Variants in ZZZ3 observed in about 807,000 individuals in gnomAD.
The protein encoded by ZZZ3 is ZZ-type zinc finger-containing protein 3.
In ZZZ3, 22 loss-of-function variants were observed where a neutral mutation model predicts 95.2. That is an observed-to-expected ratio of 0.23 (90% CI 0.17 to 0.33). The LOEUF (loss-of-function observed/expected upper bound fraction) is 0.33, where lower values mean the gene tolerates loss of function less well. ZZZ3 is among the 10% of genes least tolerant of loss of function. The probability of loss-of-function intolerance (pLI) is 1.00; values close to 1 mark genes in which losing one functional copy is unlikely to be tolerated. For synonymous variants in ZZZ3, 335 were observed against 358.9 expected (o/e 0.93, Z 0.75); for missense variants, 885 against 1,066.5 (o/e 0.83, Z 2.37).
At chr1:77,602,209 G>T (rs767193662) in intron 5 of ZZZ3, among the ~76,000 whole-genome samples, 10 of 152,114 alleles carry the variant, frequency 6.6e-5, no homozygotes, top group Non-Finnish European at 4.4e-5. Flanking sequence ...AAAACTGTTG[G>T]CAAGAAAGCT....
rs200931893 is a variant in ZZZ3 at position 77,673,593 on chromosome 1, T to TCA, written c.-403+8990_-403+8991dup. Among the ~76,000 whole-genome samples, 1,082 of 152,012 alleles carry TCA rather than the reference T, an allele frequency of 7.1e-3. 13 individuals carry two copies. Among genetic ancestry groups the TCA allele is most frequent in the African/African-American group, 0.024 (1,006 of 41,448 alleles). On this transcript the variant is annotated intron_variant, in intron 1 of 14. Coordinates refer to ENST00000370801, the MANE Select transcript of ZZZ3 (RefSeq NM_015534.6). ...TCCTGGGTGACAGAGTGAGACTGTG[T>TCA]CACACACACACAAATAAAAGTTGCA...
intron 5 of ZZZ3, among the ~76,000 whole-genome samples, chr1:77,605,617 A>G (rs1481180005): frequency 6.6e-6 from 1 of 152,154 alleles, no homozygotes; most frequent in Non-Finnish European, 1.5e-5. Flanking sequence ...AGTAATGAGG[A>G]CTTTGTCTTG....
intron 1 of ZZZ3, among the ~76,000 whole-genome samples, chr1:77,659,707 G>T (rs1441230554): frequency 1.4e-5 from 2 of 141,570 alleles, no homozygotes; most frequent in Non-Finnish European, 3.1e-5. Context: ...AAAAGAAAAA[G>T]AAAGAAAGAA....
intron 5 of ZZZ3, among the ~76,000 whole-genome samples, chr1:77,612,064 T>C (rs1314873529): frequency 6.6e-6 from 1 of 151,870 alleles, no homozygotes; most frequent in East Asian, 1.9e-4. Context: ...TGTTTGCAAA[T>C]CAAATATCTG....
chr1:77,661,427 A>G (rs1332244028), intron 1 of ZZZ3, among the ~76,000 whole-genome samples: 1 of 151,876 alleles, frequency 6.6e-6, no homozygotes, highest in Non-Finnish European at 1.5e-5. Context: ...CCAAAACAAA[A>G]ACAAAAACAA....
At chr1:77,667,593 T>C (rs1270232800) in intron 1 of ZZZ3, among the ~76,000 whole-genome samples, 1 of 152,154 alleles carries the variant, frequency 6.6e-6, no homozygotes, top group African/African-American at 2.4e-5. Context: ...ATCTTCTTTT[T>C]TTCCTCCCCA....
intron 1 of ZZZ3, among the ~76,000 whole-genome samples, chr1:77,673,725 T>TGTTGTACTGTTCATAAATATAAAA (rs1671997885): frequency 1.3e-5 from 2 of 152,310 alleles, no homozygotes; most frequent in South Asian, 4.1e-4. Flanking sequence ...CACACCACAA[T>TGTTGTACTGTTCATAAATATAAAA]GTTGTACTGT....
chr1:77,571,131 C>T (rs1661346921), intron 12 of ZZZ3, among the ~76,000 whole-genome samples: 1 of 151,928 alleles, frequency 6.6e-6, no homozygotes, highest in East Asian at 1.9e-4. Context: ...ATGAAATTTA[C>T]TTAATTCAGA....
chr1:77,676,858 A>T (rs1322470345), intron 1 of ZZZ3: 1 of 152,226 alleles, frequency 6.6e-6, no homozygotes, highest in African/African-American at 2.4e-5. Context: ...TATTTAACAG[A>T]GTTGAGAAAA....
intron 12 of ZZZ3, among the ~76,000 whole-genome samples, chr1:77,573,121 T>A (rs1661572829): frequency 6.6e-6 from 1 of 152,014 alleles, no homozygotes; most frequent in South Asian, 2.1e-4. Flanking sequence ...AAGCATTTTT[T>A]AATTTATTTT....
At chr1:77,656,993 TA>T (rs1261064229) in intron 1 of ZZZ3, among the ~76,000 whole-genome samples, 1 of 152,226 alleles carries the variant, frequency 6.6e-6, no homozygotes, top group Non-Finnish European at 1.5e-5. Flanking sequence ...TTTATTTACT[TA>T]CTTTTCGAGA....
chr1:77,609,246 T>C (rs1665538877), intron 5 of ZZZ3, among the ~76,000 whole-genome samples: 1 of 152,042 alleles, frequency 6.6e-6, no homozygotes, highest in Non-Finnish European at 1.5e-5. Flanking sequence ...TATACTTTTA[T>C]CAAACAAAAT....
intron 3 of ZZZ3, among the ~76,000 whole-genome samples, chr1:77,640,600 CAAAA>C (rs78243648): frequency 1.2e-4 from 9 of 76,658 alleles, no homozygotes; most frequent in African/African-American, 9.0e-5. Flanking sequence ...AACTCAGTCT[CAAAA>C]AAAAAAAAAA....
chr1:77,578,743 C>A, intron 11 of ZZZ3, 31 bp downstream of exon 11: 1 of 1,252,350 alleles, frequency 8.0e-7, no homozygotes, highest in East Asian at 2.7e-5. Flanking sequence ...TAAATTTAAT[C>A]TACAGTTTAC....
chr1:77,636,944 G>A (rs991264550), intron 4 of ZZZ3, among the ~76,000 whole-genome samples: 1 of 152,096 alleles, frequency 6.6e-6, no homozygotes, highest in African/African-American at 2.4e-5. Flanking sequence ...CTGTGCTATT[G>A]GGCTGTATTG....
Position 77,564,867 on chromosome 1 carries a change from T to C in ZZZ3, c.*773A>G, listed in dbSNP as rs1660689491. On this transcript the variant is annotated 3_prime_UTR_variant, in exon 15 of 15. Transcript: ENST00000370801. ...GCTGTGTATTTTAAAGGAATTAATG[T>C]TGTGAATTAGAAACTTTACACAGTT... 6.6e-6 allele frequency: 1 copy of C among 152,648 alleles called. No homozygotes were observed. The highest frequency in any genetic ancestry group is 1.5e-5 in the Non-Finnish European group (1 of 68,036). The allele number at this position is 152,648 out of a possible 1,614,324, so 9.5% of individuals were successfully genotyped here.
chr1:77,680,223 T>C (rs925802609), intron 1 of ZZZ3, among the ~76,000 whole-genome samples: 1 of 152,244 alleles, frequency 6.6e-6, no homozygotes, highest in Non-Finnish European at 1.5e-5. Context: ...AGGAAATATC[T>C]AGCAATTCTG....
intron 5 of ZZZ3, among the ~76,000 whole-genome samples, chr1:77,593,684 T>C (rs1278042844): frequency 6.6e-6 from 1 of 152,218 alleles, no homozygotes; most frequent in Non-Finnish European, 1.5e-5. Context: ...TTTGATTTCA[T>C]AATTACTCTA....
At chr1:77,603,763 C>T (rs577031226) in intron 5 of ZZZ3, among the ~76,000 whole-genome samples, 3 of 152,012 alleles carry the variant, frequency 2.0e-5, no homozygotes, top group South Asian at 2.1e-4. Context: ...GCCACTGATT[C>T]GAAGAGCTTC....
Sources: gnomAD v4.1 joint callset for allele counts (sites outside exome capture counted in the v4.1 genomes callset) on GRCh38, gnomAD v4.1.1 for gene constraint, MANE v1.5 for transcripts, NCBI Gene and HGNC (gene_info 2026-07-23, HGNC 2026-07-21) for gene names.